ARMH4: variants seen among roughly 807,000 people sequenced by gnomAD.
ARMH4 encodes the protein armadillo like helical domain containing 4.
A neutral mutation model predicts 61.9 loss-of-function variants in ARMH4; 49 were observed. The observed-to-expected ratio is 0.79, with a 90% confidence interval of 0.63 to 1.00. The LOEUF (loss-of-function observed/expected upper bound fraction) is 1.00. Ranked by LOEUF, ARMH4 falls within the 50% of genes least tolerant of loss-of-function variation. ARMH4 has a pLI of 0.00. For synonymous variants in ARMH4, 368 were observed against 341.5 expected, an observed-to-expected ratio of 1.08 and a Z score of -0.85; for missense variants, 934 against 930.0, an observed-to-expected ratio of 1.00 and a Z score of -0.06.
In ARMH4 at chr14:58,097,503, G is replaced by C. The variant is rs1183900481; in HGVS notation, c.1832-522C>G. Among the ~76,000 whole-genome samples the C allele has an allele frequency of 3.3e-5, 5 of 152,100 alleles. No homozygotes were observed. The East Asian group carries it at 9.6e-4, about 29-fold the overall frequency. On this transcript the variant is annotated intron_variant, in intron 4 of 7. Transcript: ENST00000267485. ...GCACATAAATTCACTCTTGGATCTT[G>C]TTCTCTCTAAGGAAGAGTAATCCAA...
At chr14:58,113,402 CT>C (rs1886417464) in intron 4 of ARMH4, among the ~76,000 whole-genome samples, 1 of 152,088 alleles carries the variant, frequency 6.6e-6, no homozygotes, top group South Asian at 2.1e-4. Flanking sequence ...AAGATTTTTG[CT>C]TTTTCAAATA....
At chr14:58,097,205 G>A (rs1885783569) in intron 4 of ARMH4, among the ~76,000 whole-genome samples, 1 of 152,138 alleles carries the variant, frequency 6.6e-6, no homozygotes, top group Admixed American at 6.5e-5. Flanking sequence ...TAAGTATCAG[G>A]TATTATGTTT....
At chr14:58,053,430 C>G (rs1467685677) in intron 5 of ARMH4, among the ~76,000 whole-genome samples, 1 of 152,204 alleles carries the variant, frequency 6.6e-6, no homozygotes, top group African/African-American at 2.4e-5. Flanking sequence ...CTGCTGGCTC[C>G]AGGCACAGTG....
intron 6 of ARMH4, among the ~76,000 whole-genome samples, chr14:58,010,158 A>G (rs1003488520): frequency 1.3e-5 from 2 of 152,164 alleles, no homozygotes; most frequent in African/African-American, 4.8e-5. Flanking sequence ...TTTGTACTCA[A>G]ATAGTTTCTG....
At chr14:58,047,074 C>G (rs1249361325) in intron 5 of ARMH4, among the ~76,000 whole-genome samples, 1 of 152,142 alleles carries the variant, frequency 6.6e-6, no homozygotes, top group East Asian at 1.9e-4. Context: ...ACTCTATTCC[C>G]CCTCCACTCT....
intron 5 of ARMH4, among the ~76,000 whole-genome samples, chr14:58,072,876 C>T (rs1884929635): frequency 6.6e-6 from 1 of 152,178 alleles, no homozygotes; most frequent in Non-Finnish European, 1.5e-5. Flanking sequence ...ACCCTGTCAT[C>T]ATGCATAATG....
Position 58,003,194 on chromosome 14 carries a change from G to A in ARMH4, c.*1542C>T, listed in dbSNP as rs554627145. The A allele has an allele frequency of 6.6e-6, 1 of 152,302 alleles. No homozygotes were observed. Among genetic ancestry groups the A allele is most frequent in the South Asian group, 2.1e-4 (1 of 4,826 alleles). The allele number at this position is 152,302 out of a possible 1,614,324, so 9.4% of individuals were successfully genotyped here. A position where few individuals can be genotyped will look rare whatever the true frequency, so the allele number is the denominator to read the frequency against. ...ATTCCCTTAGAACCTTTGTTTTAAA[G>A]AAGGACCCTGAAATGTCACTGCTTC... is the stretch of plus-strand genomic sequence containing the variant. On this transcript the variant is annotated 3_prime_UTR_variant, in exon 8 of 8. Coordinates refer to ENST00000267485, the MANE Select transcript of ARMH4 (RefSeq NM_001001872.4).
At chr14:58,124,062 A>C (rs1169130852) in intron 4 of ARMH4, among the ~76,000 whole-genome samples, 2 of 152,166 alleles carry the variant, frequency 1.3e-5, no homozygotes, top group Non-Finnish European at 2.9e-5. Context: ...CAAAACCCTA[A>C]AGCAACTAAG....
chr14:58,050,463 TG>T (rs1158620921), intron 5 of ARMH4, among the ~76,000 whole-genome samples: 2 of 152,190 alleles, frequency 1.3e-5, no homozygotes, highest in African/African-American at 4.8e-5. Flanking sequence ...ATCACCCATG[TG>T]AGTGACTACA....
Position 58,009,577 on chromosome 14 carries a change from G to A in ARMH4, c.2121+2542C>T, listed in dbSNP as rs576666560. 5.9e-3 allele frequency among the ~76,000 whole-genome samples: 893 copies of A among 152,140 alleles called. 5 individuals carry two copies. The highest frequency in any genetic ancestry group is 0.018 in the African/African-American group (766 of 41,514). Reference sequence around the variant, plus strand: ...TGTAATCCCAGCACTTTGGGAGGCCGAGGCAAGCAGGTCAGATAAGGCCAA... The same window carrying A: ...TGTAATCCCAGCACTTTGGGAGGCCAAGGCAAGCAGGTCAGATAAGGCCAA... On this transcript the variant is annotated intron_variant, in intron 6 of 7. Coordinates refer to ENST00000267485, the MANE Select transcript of ARMH4 (RefSeq NM_001001872.4).
intron 5 of ARMH4, among the ~76,000 whole-genome samples, chr14:58,041,225 G>A (rs954802166): frequency 6.6e-6 from 1 of 152,162 alleles, no homozygotes; most frequent in African/African-American, 2.4e-5. Flanking sequence ...AAGGGAAGGG[G>A]TGACAAATGG....
At chr14:58,112,176 A>G (rs937944079) in intron 4 of ARMH4, among the ~76,000 whole-genome samples, 2 of 152,238 alleles carry the variant, frequency 1.3e-5, no homozygotes, top group Non-Finnish European at 2.9e-5. Flanking sequence ...AAGGGTGTCA[A>G]CAAGAAACCT....
intron 5 of ARMH4, among the ~76,000 whole-genome samples, chr14:58,047,752 T>A (rs1883990722): frequency 6.6e-6 from 1 of 151,976 alleles, no homozygotes; most frequent in East Asian, 1.9e-4. Context: ...TCCAGGTTGG[T>A]TTAAGGTGCA....
intron 5 of ARMH4, among the ~76,000 whole-genome samples, chr14:58,017,710 A>G (rs1484896794): frequency 6.6e-6 from 1 of 152,172 alleles, no homozygotes; most frequent in Admixed American, 6.5e-5. Flanking sequence ...ATCAAAAACC[A>G]TCTACATATT....
chr14:58,120,658 T>C (rs1886694950), intron 4 of ARMH4, among the ~76,000 whole-genome samples: 2 of 152,040 alleles, frequency 1.3e-5, no homozygotes, highest in African/African-American at 4.8e-5. Flanking sequence ...AAAGGGAATG[T>C]TCAGGTTAAG....
At chr14:58,016,189 TA>T (rs941472571) in intron 5 of ARMH4, among the ~76,000 whole-genome samples, 1 of 151,988 alleles carries the variant, frequency 6.6e-6, no homozygotes, top group African/African-American at 2.4e-5. Context: ...ATATTTATAA[TA>T]AAAAGGAGCA....
intron 6 of ARMH4, among the ~76,000 whole-genome samples, chr14:58,011,736 A>G (rs1176588647): frequency 6.6e-6 from 1 of 151,200 alleles, no homozygotes; most frequent in Non-Finnish European, 1.5e-5. Flanking sequence ...GCACTGTGAT[A>G]AACTACACAC....
chr14:58,088,026 G>C (rs1885435757), intron 5 of ARMH4, among the ~76,000 whole-genome samples: 1 of 152,192 alleles, frequency 6.6e-6, no homozygotes, highest in Non-Finnish European at 1.5e-5. Context: ...TGCGAGAACA[G>C]TTGGGAATGA....
chr14:58,067,294 G>A (rs578175071), intron 5 of ARMH4, among the ~76,000 whole-genome samples: 5 of 152,294 alleles, frequency 3.3e-5, no homozygotes, highest in African/African-American at 1.2e-4. Flanking sequence ...GGTAGGTACT[G>A]TTCTAGAACC....
Sources: gnomAD v4.1 joint callset for allele counts (sites outside exome capture counted in the v4.1 genomes callset) on GRCh38, gnomAD v4.1.1 for gene constraint, MANE v1.5 for transcripts, NCBI Gene and HGNC (gene_info 2026-07-23, HGNC 2026-07-21) for gene names.